The following ANKS1B variants were observed in gnomAD, a reference collection of about 807,000 sequenced individuals.
The protein encoded by ANKS1B is ankyrin repeat and sterile alpha motif domain-containing protein 1B.
Under a neutral mutation model 148.3 loss-of-function variants are expected in ANKS1B, and 36 were observed. That is an observed-to-expected ratio of 0.24 (90% CI 0.19 to 0.32). The LOEUF (loss-of-function observed/expected upper bound fraction) is 0.32. Ranked by LOEUF, ANKS1B falls within the 10% of genes least tolerant of loss-of-function variation. ANKS1B has a pLI of 1.00. For synonymous variants in ANKS1B, 542 were observed against 560.8 expected, an observed-to-expected ratio of 0.97 and a Z score of 0.47; for missense variants, 1,157 against 1,542.6, an observed-to-expected ratio of 0.75 and a Z score of 4.19.
intron 23 of ANKS1B, chr12:98,781,627 C>A: frequency 2.8e-6 from 1 of 358,932 alleles, no homozygotes; most frequent in Non-Finnish European, 5.4e-6. Flanking sequence ...AATATATGCA[C>A]CCCCCCTTTT....
chr12:99,914,724 G>T (rs1037456466), intron 1 of ANKS1B, among the ~76,000 whole-genome samples: 3 of 152,034 alleles, frequency 2.0e-5, no homozygotes, highest in African/African-American at 7.2e-5. Context: ...GTGATATTTA[G>T]GGGGGTGTAC....
chr12:99,418,045 T>C (rs2094962103), intron 11 of ANKS1B, among the ~76,000 whole-genome samples: 1 of 152,230 alleles, frequency 6.6e-6, no homozygotes. Context: ...AGGGAGTTCA[T>C]TATCACTGGG....
intron 17 of ANKS1B, among the ~76,000 whole-genome samples, chr12:98,892,783 T>C (rs938343800): frequency 6.6e-6 from 1 of 152,238 alleles, no homozygotes; most frequent in Non-Finnish European, 1.5e-5. Context: ...GATCTCCAGG[T>C]AGAGGCAAAA....
At chr12:99,501,679 G>A (rs921025181) in intron 10 of ANKS1B, among the ~76,000 whole-genome samples, 4 of 152,124 alleles carry the variant, frequency 2.6e-5, no homozygotes, top group African/African-American at 9.7e-5. Context: ...TACAGTCCCT[G>A]AGCTGGACAG....
At chr12:99,827,052 G>A (rs1310213767) in intron 1 of ANKS1B, among the ~76,000 whole-genome samples, 1 of 151,998 alleles carries the variant, frequency 6.6e-6, no homozygotes, top group African/African-American at 2.4e-5. Flanking sequence ...CTGGGAGGTC[G>A]AGGCTGCAGT....
intron 9 of ANKS1B, among the ~76,000 whole-genome samples, chr12:99,606,174 T>C (rs965576401): frequency 6.6e-6 from 1 of 152,016 alleles, no homozygotes; most frequent in East Asian, 1.9e-4. Flanking sequence ...CCATTTTTTT[T>C]AGTGAAATTA....
chr12:99,203,453 C>CTTT (rs781209215), intron 14 of ANKS1B, among the ~76,000 whole-genome samples: 12 of 143,004 alleles, frequency 8.4e-5, no homozygotes, highest in African/African-American at 2.8e-4. Context: ...CTGCTTCTTT[C>CTTT]TTTTTTTTTT....
At chr12:99,772,531 C>T (rs61940290) in intron 8 of ANKS1B, among the ~76,000 whole-genome samples, 1,621 of 152,170 alleles carry the variant, frequency 0.011, 19 homozygotes, top group Non-Finnish European at 0.019. Context: ...GGAAACTATA[C>T]GTGTGGCTCT....
chr12:98,782,252 A>AAATT, intron 22 of ANKS1B, 115 bp from the exon 23 acceptor site: 2 of 883,042 alleles, frequency 2.3e-6, no homozygotes, highest in Non-Finnish European at 1.8e-6. Context: ...TCATTAAAAA[A>AAATT]CAAAAGATGC....
intron 1 of ANKS1B, among the ~76,000 whole-genome samples, chr12:99,840,973 G>A (rs1039261165): frequency 1.2e-4 from 19 of 152,076 alleles, no homozygotes; most frequent in African/African-American, 4.6e-4. Context: ...TATTCCCTCA[G>A]TAAAGAACAA....
intron 1 of ANKS1B, among the ~76,000 whole-genome samples, chr12:99,960,300 G>A (rs935199920): frequency 2.6e-5 from 4 of 152,166 alleles, no homozygotes; most frequent in Non-Finnish European, 5.9e-5. Context: ...GCGAGGTAAG[G>A]TTTCCTTATA....
At chr12:99,209,555 T>A (rs1169561738) in intron 14 of ANKS1B, among the ~76,000 whole-genome samples, 1 of 152,170 alleles carries the variant, frequency 6.6e-6, no homozygotes, top group Non-Finnish European at 1.5e-5. Flanking sequence ...TCAATATAAA[T>A]TTCAAGAAAC....
At chr12:98,940,853 A>C (rs1174246211) in intron 17 of ANKS1B, among the ~76,000 whole-genome samples, 1 of 152,224 alleles carries the variant, frequency 6.6e-6, no homozygotes, top group Non-Finnish European at 1.5e-5. Context: ...ATTGAAAGGC[A>C]TATCTCAAAA....
Position 99,762,983 on chromosome 12 carries a change from TA to T in ANKS1B, c.1128+9938del, listed in dbSNP as rs985799308. On this transcript the variant is annotated intron_variant, in intron 8 of 26. Transcript: ENST00000683438. The stretch of plus-strand genomic sequence containing the variant: ...GTCACAATGACTATTATTAAAAAGT[TA>T]AAAAAAAAACAGATGTTGGTGAGGT... Among the ~76,000 whole-genome samples, 308 of 148,756 alleles carry T rather than the reference TA, an allele frequency of 2.1e-3. 5 individuals are homozygous for T. Among genetic ancestry groups the T allele is most frequent in the Middle Eastern group, 0.014 (4 of 282 alleles).
chr12:99,727,495 C>T (rs1177035388), intron 8 of ANKS1B, among the ~76,000 whole-genome samples: 1 of 152,036 alleles, frequency 6.6e-6, no homozygotes, highest in African/African-American at 2.4e-5. Context: ...AGAGAGGACA[C>T]AAACAAATGG....
At chr12:98,740,958 G>C (rs2097795578), downstream of ANKS1B, among the ~76,000 whole-genome samples, 1 of 152,162 alleles carries the variant, frequency 6.6e-6, no homozygotes, top group Non-Finnish European at 1.5e-5. Context: ...AGGCAATCTT[G>C]AGGCTAAAAG....
chr12:99,234,776 T>A (rs78891533), intron 14 of ANKS1B, among the ~76,000 whole-genome samples: 1 of 150,296 alleles, frequency 6.7e-6, no homozygotes, highest in Non-Finnish European at 1.5e-5. Flanking sequence ...TTTTTTTTTT[T>A]ACCATGTGAT....
At chr12:99,136,290 C>G (rs1157211051) in intron 15 of ANKS1B, among the ~76,000 whole-genome samples, 1 of 152,052 alleles carries the variant, frequency 6.6e-6, no homozygotes, top group Non-Finnish European at 1.5e-5. Context: ...ACTTTCAGGT[C>G]CCAATGCAAG....
chr12:99,565,453 T>C (rs1239016344), intron 9 of ANKS1B, among the ~76,000 whole-genome samples: 1 of 152,098 alleles, frequency 6.6e-6, no homozygotes, highest in Non-Finnish European at 1.5e-5. Flanking sequence ...ACAGTTCTAA[T>C]GGGGGAAAAT....
Sources: gnomAD v4.1 joint callset for allele counts (sites outside exome capture counted in the v4.1 genomes callset) on GRCh38, gnomAD v4.1.1 for gene constraint, MANE v1.5 for transcripts, NCBI Gene and HGNC (gene_info 2026-07-23, HGNC 2026-07-21) for gene names.